PRMT3: variants seen among roughly 807,000 people sequenced by gnomAD.
PRMT3 encodes the protein protein arginine N-methyltransferase 3.
PRMT3 carries 62 observed loss-of-function variants against 71.9 expected under a neutral mutation model. The ratio of observed to expected loss-of-function variants is 0.86; its 90% CI spans 0.70 to 1.07. The LOEUF is 1.07. Ranked by LOEUF, PRMT3 falls within the 50% of genes least tolerant of loss-of-function variation. PRMT3 has a pLI of 0.00. For missense variants in PRMT3, 663 were observed against 643.0 expected, an observed-to-expected ratio of 1.03 and a Z score of -0.34; for synonymous variants, 213 against 220.4, an observed-to-expected ratio of 0.97 and a Z score of 0.30.
At position 20,493,916 on chromosome 11, in the gene PRMT3, C is replaced by T. The variant is rs530190956; in HGVS notation, c.1348-3C>T. 1.9e-6 allele frequency: 3 copies of T among 1,571,614 alleles called. No homozygotes were observed. Among genetic ancestry groups the T allele is most frequent in the Middle Eastern group, 2.0e-4 (1 of 4,984 alleles). On this transcript the variant is annotated splice_region_variant and splice_polypyrimidine_tract_variant and intron_variant, in intron 13 of 15. Transcript: ENST00000331079. ...CATTTATATTTCTTTTTTTAAAAAA[C>T]AGGCAATTGCTGGCTACTTTGATAT...
chr11:20,392,874 C>T lies in PRMT3; in HGVS notation c.298-23C>T, dbSNP rs772896708. Reference sequence around the variant, plus strand: ...TTGTGATTATATGTAATGAAAAAAACATGAGATTAATTTTATATCCAGAAT... The same window carrying T: ...TTGTGATTATATGTAATGAAAAAAATATGAGATTAATTTTATATCCAGAAT... On this transcript the variant is annotated intron_variant, in intron 4 of 15. Transcript: ENST00000331079. 2.3e-5 allele frequency: 32 copies of T among 1,416,346 alleles called. No individual in the cohort carries two copies. In the South Asian group the frequency reaches 3.6e-4, roughly 16 times the overall value. 87.7% of individuals were successfully genotyped at this position (1,416,346 alleles called of 1,614,324 possible).
chr11:20,428,004 A>G (rs1764111022), intron 10 of PRMT3, among the ~76,000 whole-genome samples: 2 of 152,194 alleles, frequency 1.3e-5, no homozygotes, highest in Non-Finnish European at 2.9e-5. Flanking sequence ...GATTTAATGT[A>G]GTAGTGTAGG....
chr11:20,412,515 G>A (rs757314784), intron 9 of PRMT3, among the ~76,000 whole-genome samples: 3 of 151,822 alleles, frequency 2.0e-5, no homozygotes, highest in South Asian at 2.1e-4. Flanking sequence ...TATCACCCGC[G>A]TCTACATTTA....
chr11:20,495,886 G>A (rs540244940), intron 15 of PRMT3, among the ~76,000 whole-genome samples: 1 of 152,322 alleles, frequency 6.6e-6, no homozygotes, highest in South Asian at 2.1e-4. Flanking sequence ...ATGAGATGCT[G>A]TTTCTTGTCC....
chr11:20,477,681 T>C (rs1389437904), intron 13 of PRMT3, among the ~76,000 whole-genome samples: 2 of 152,174 alleles, frequency 1.3e-5, no homozygotes, highest in East Asian at 1.9e-4. Context: ...TTGAGGTACC[T>C]GAAACAAATA....
chr11:20,390,521 G>A (rs1848690329), intron 3 of PRMT3, among the ~76,000 whole-genome samples: 2 of 152,212 alleles, frequency 1.3e-5, no homozygotes, highest in South Asian at 4.1e-4. Context: ...ACGAGACTGA[G>A]TTTTATACAA....
chr11:20,454,481 AG>A (rs1328631045), intron 11 of PRMT3, among the ~76,000 whole-genome samples: 30 of 152,218 alleles, frequency 2.0e-4, no homozygotes, highest in African/African-American at 6.8e-4. Flanking sequence ...AGCTAATATT[AG>A]TATTAAGATA....
At chr11:20,406,570 A>T (rs2133320531) in intron 8 of PRMT3, 1 of 152,296 alleles carries the variant, frequency 6.6e-6, no homozygotes, top group South Asian at 2.1e-4. Context: ...TGGGTTACTT[A>T]TATATTAAAG....
intron 11 of PRMT3, among the ~76,000 whole-genome samples, chr11:20,460,100 T>C (rs116865332): frequency 2.6e-3 from 393 of 152,312 alleles, no homozygotes; most frequent in Non-Finnish European, 4.5e-3. Flanking sequence ...CAGTAAATCT[T>C]ATCGTGGGCT....
intron 5 of PRMT3, among the ~76,000 whole-genome samples, chr11:20,394,035 G>T (rs1848772470): frequency 6.6e-6 from 1 of 152,186 alleles, no homozygotes; most frequent in Admixed American, 6.5e-5. Flanking sequence ...TTTATAACAA[G>T]AATTCAACTT....
chr11:20,401,630 C>T (rs1424964913), intron 7 of PRMT3, among the ~76,000 whole-genome samples: 2 of 151,916 alleles, frequency 1.3e-5, no homozygotes, highest in Non-Finnish European at 2.9e-5. Flanking sequence ...GTAATATGTT[C>T]TTTTCACCCT....
chr11:20,479,277 G>C (rs542746389), intron 13 of PRMT3, among the ~76,000 whole-genome samples: 1 of 152,118 alleles, frequency 6.6e-6, no homozygotes, highest in African/African-American at 2.4e-5. Context: ...CTCAGGAAAC[G>C]TTCTTTGAGT....
intron 9 of PRMT3, among the ~76,000 whole-genome samples, chr11:20,413,883 A>C (rs1291715743): frequency 2.0e-5 from 3 of 151,908 alleles, no homozygotes; most frequent in Non-Finnish European, 4.4e-5. Context: ...ACAGGCTCTA[A>C]GTTGTCCTTA....
At chr11:20,421,687 A>G (rs1252282041) in intron 9 of PRMT3, among the ~76,000 whole-genome samples, 1 of 152,112 alleles carries the variant, frequency 6.6e-6, no homozygotes, top group East Asian at 1.9e-4. Context: ...ATTTTTCAAA[A>G]ACCATTGAGT....
chr11:20,452,590 T>G (rs1214961618), intron 11 of PRMT3, among the ~76,000 whole-genome samples: 2 of 152,238 alleles, frequency 1.3e-5, no homozygotes, highest in Non-Finnish European at 2.9e-5. Context: ...TGGAAATTAT[T>G]CACGACTTCA....
At chr11:20,504,375 A>G (rs1243731075) in intron 15 of PRMT3, among the ~76,000 whole-genome samples, 2 of 152,130 alleles carry the variant, frequency 1.3e-5, no homozygotes, top group African/African-American at 4.8e-5. Context: ...TGTGCCTTTA[A>G]GACAGTCTTT....
At chr11:20,489,099 A>G (rs1049407543) in intron 13 of PRMT3, among the ~76,000 whole-genome samples, 2 of 152,186 alleles carry the variant, frequency 1.3e-5, no homozygotes, top group African/African-American at 2.4e-5. Flanking sequence ...TTCACTATGT[A>G]TACGTAGTTT....
At chr11:20,434,343 A>G (rs1849718764) in intron 10 of PRMT3, among the ~76,000 whole-genome samples, 1 of 152,082 alleles carries the variant, frequency 6.6e-6, no homozygotes, top group South Asian at 2.1e-4. Flanking sequence ...TACTCTGTTG[A>G]TGGTTTCTTT....
intron 9 of PRMT3, among the ~76,000 whole-genome samples, chr11:20,408,748 A>G (rs1033140418): frequency 1.3e-5 from 2 of 152,204 alleles, no homozygotes; most frequent in African/African-American, 4.8e-5. Context: ...GAGGCTTCTC[A>G]TAGCAACTTT....
Sources: gnomAD v4.1 joint callset for allele counts (sites outside exome capture counted in the v4.1 genomes callset) on GRCh38, gnomAD v4.1.1 for gene constraint, MANE v1.5 for transcripts, NCBI Gene and HGNC (gene_info 2026-07-23, HGNC 2026-07-21) for gene names.